Variants in GFRAL observed in about 807,000 individuals in gnomAD.
GFRAL encodes GDNF family receptor alpha-like.
GFRAL carries 36 observed loss-of-function variants against 45.4 expected under a neutral mutation model. The observed-to-expected ratio is 0.79, with a 90% CI of 0.61 to 1.05. GFRAL has a LOEUF of 1.05. Among genes scored for constraint, GFRAL ranks in the 50% least tolerant of loss-of-function variants. The pLI is 0.00. For missense variants in GFRAL, 507 were observed against 467.5 expected (o/e 1.08, Z -0.78); for synonymous variants, 166 against 154.1 (o/e 1.08, Z -0.57).
At position 55,359,164 on chromosome 6, in the gene GFRAL, G is replaced by GTCCATCTATCTATCTA. The variant is rs1554188846; in HGVS notation, c.952+28_952+29insCATCTATCTATCTATC. On this transcript the variant is annotated intron_variant, in intron 6 of 8. Coordinates refer to ENST00000340465, the MANE Select transcript of GFRAL (RefSeq NM_207410.2). ...GTAAGTTCCCCAAATAAAATTATCTGTCTATCTATCTATCTATCTATCATC... is the reference window on the plus strand; with the variant it reads ...GTAAGTTCCCCAAATAAAATTATCTGTCCATCTATCTATCTATCTATCTATCTATCTATCTATCATC... 14 of 1,370,176 alleles carry GTCCATCTATCTATCTA rather than the reference G, an allele frequency of 1.0e-5. No individual in the cohort carries two copies. In the African/African-American group the frequency reaches 2.0e-4, roughly 20 times the overall value. The allele number at this position is 1,370,176 out of a possible 1,614,324, so 84.9% of individuals were successfully genotyped here. A position where few individuals can be genotyped will look rare whatever the true frequency, so the allele number is the denominator to read the frequency against.
chr6:55,401,453 G>A (rs1184099392), intron 8 of GFRAL, among the ~76,000 whole-genome samples: 1 of 152,092 alleles, frequency 6.6e-6, no homozygotes, highest in East Asian at 1.9e-4. Flanking sequence ...GTGAATACCT[G>A]TCTTCTGTAA....
chr6:55,332,042 G>A (rs1195764677), intron 2 of GFRAL, among the ~76,000 whole-genome samples, 193 bp downstream of exon 2: 3 of 151,952 alleles, frequency 2.0e-5, no homozygotes, highest in African/African-American at 7.3e-5. Flanking sequence ...TTACTAAAGA[G>A]CTTTAATTAC....
intron 5 of GFRAL, among the ~76,000 whole-genome samples, chr6:55,352,741 A>G (rs1298301378): frequency 1.3e-5 from 2 of 152,046 alleles, no homozygotes; most frequent in East Asian, 3.9e-4. Flanking sequence ...GGACATCCCT[A>G]GCACACATGT....
chr6:55,333,973 A>C (rs772434762), intron 3 of GFRAL, 29 bp downstream of exon 3: 1 of 1,371,824 alleles, frequency 7.3e-7, no homozygotes, highest in South Asian at 1.5e-5. Context: ...AAATGTTTAT[A>C]GTCATGAAAA....
intron 5 of GFRAL, among the ~76,000 whole-genome samples, chr6:55,353,415 C>A (rs893407478): frequency 5.9e-5 from 9 of 152,020 alleles, no homozygotes; most frequent in Non-Finnish European, 1.3e-4. Flanking sequence ...CTATAGCACA[C>A]ATTCTATGAA....
At chr6:55,395,175 A>AAAAAAAAAATATATATATAT in intron 6 of GFRAL, among the ~76,000 whole-genome samples, 1 of 123,512 alleles carries the variant, frequency 8.1e-6, no homozygotes, top group Non-Finnish European at 1.6e-5. Flanking sequence ...AAAAAAAAAA[A>AAAAAAAAAATATATATATAT]ATATATATAT....
chr6:55,366,824 G>T (rs1413595822), intron 6 of GFRAL, among the ~76,000 whole-genome samples: 5 of 114,478 alleles, frequency 4.4e-5, no homozygotes, highest in Admixed American at 8.8e-5. Context: ...TATAATTTCT[G>T]TTCTTTTACA....
Position 55,338,581 on chromosome 6 carries a change from T to G in GFRAL, c.316+4637T>G, listed in dbSNP as rs113585104. ...TACACACATAATAAGGACACACACATACACACACAGACAAAGTACTAGAAG... is the reference window on the plus strand; with the variant it reads ...TACACACATAATAAGGACACACACAGACACACACAGACAAAGTACTAGAAG... On this transcript the variant is annotated intron_variant, in intron 3 of 8. Coordinates refer to ENST00000340465, the MANE Select transcript of GFRAL (RefSeq NM_207410.2). 6.7e-3 allele frequency among the ~76,000 whole-genome samples: 1,022 copies of G among 152,132 alleles called. 13 individuals are homozygous for G. The highest frequency in any genetic ancestry group is 0.023 in the African/African-American group (944 of 41,494).
At chr6:55,367,493 G>C (rs1768381046) in intron 6 of GFRAL, among the ~76,000 whole-genome samples, 1 of 146,550 alleles carries the variant, frequency 6.8e-6, no homozygotes, top group Non-Finnish European at 1.5e-5. Context: ...TATGATGTTA[G>C]CTGGTTATTT....
At chr6:55,382,134 A>G (rs1019617761) in intron 6 of GFRAL, among the ~76,000 whole-genome samples, 2 of 152,032 alleles carry the variant, frequency 1.3e-5, no homozygotes, top group Middle Eastern at 3.4e-3. Context: ...TTTATATCAT[A>G]GCCTCTAAAC....
At chr6:55,340,718 G>C (rs1000011174) in intron 3 of GFRAL, among the ~76,000 whole-genome samples, 8 of 152,134 alleles carry the variant, frequency 5.3e-5, no homozygotes, top group African/African-American at 1.9e-4. Context: ...GCTGAAGCAG[G>C]GTGAGGCATT....
At chr6:55,392,194 G>A (rs1436017223) in intron 6 of GFRAL, among the ~76,000 whole-genome samples, 1 of 152,050 alleles carries the variant, frequency 6.6e-6, no homozygotes, top group African/African-American at 2.4e-5. Context: ...AGTCCTCAAA[G>A]TGTACCATTT....
intron 4 of GFRAL, among the ~76,000 whole-genome samples, 174 bp from the exon 5 acceptor site, chr6:55,351,079 A>G (rs550765822): frequency 8.5e-5 from 13 of 152,230 alleles, no homozygotes; most frequent in African/African-American, 3.1e-4. Context: ...CAATAAGTCT[A>G]CGATTTAGGT....
intron 6 of GFRAL, among the ~76,000 whole-genome samples, chr6:55,368,191 T>A (rs1768392855): frequency 6.6e-6 from 1 of 152,014 alleles, no homozygotes; most frequent in Admixed American, 6.6e-5. Context: ...TTTCATTCAT[T>A]TCATCTTCCA....
intron 3 of GFRAL, among the ~76,000 whole-genome samples, chr6:55,347,510 T>C (rs1283182873): frequency 1.3e-5 from 2 of 152,030 alleles, no homozygotes; most frequent in African/African-American, 4.8e-5. Flanking sequence ...CGATGCTGAA[T>C]ATCAGGGCAA....
chr6:55,364,532 G>A (rs1236059496), intron 6 of GFRAL, among the ~76,000 whole-genome samples: 1 of 144,960 alleles, frequency 6.9e-6, no homozygotes, highest in Non-Finnish European at 1.5e-5. Flanking sequence ...GTCCTGAATG[G>A]TAATGCCTAG....
Position 55,358,984 on chromosome 6 carries a change from C to A in GFRAL, c.798C>A (p.Asp266Glu). The part of the protein sequence containing the change: ...ENCISTLSKQ[D>E]LTCSGSDDCK... Reference sequence around the variant, plus strand: ...GCATTAGCACCTTAAGCAAACAGGACCTCACTTGTTCAGGAAGTGATGACT... The same window carrying A: ...GCATTAGCACCTTAAGCAAACAGGAACTCACTTGTTCAGGAAGTGATGACT... Residue 266 changes from aspartate (D) to glutamate (E), a missense_variant, in exon 6 of 9, where the codon GAC becomes GAA. By Grantham distance (45) the Asp-to-Glu change is conservative (BLOSUM62 2). Coordinates refer to ENST00000340465, the MANE Select transcript of GFRAL (RefSeq NM_207410.2). The A allele has an allele frequency of 6.2e-7, 1 of 1,613,136 alleles. No individual in the cohort carries two copies. Among genetic ancestry groups the A allele is most frequent in the East Asian group, 2.2e-5 (1 of 44,834 alleles).
At chr6:55,371,454 C>T (rs770911773) in intron 6 of GFRAL, among the ~76,000 whole-genome samples, 1 of 151,896 alleles carries the variant, frequency 6.6e-6, no homozygotes, top group Non-Finnish European at 1.5e-5. Flanking sequence ...CCACCACTTC[C>T]TATAACATCT....
chr6:55,331,307 A>G (rs1356137490), intron 1 of GFRAL, among the ~76,000 whole-genome samples: 1 of 152,190 alleles, frequency 6.6e-6, no homozygotes, highest in East Asian at 1.9e-4. Flanking sequence ...AAATATCAAG[A>G]GAACAGAAGG....
Sources: allele counts gnomAD v4.1 joint callset (sites outside exome capture counted in the v4.1 genomes callset), GRCh38; gene constraint gnomAD v4.1.1; transcripts MANE v1.5; gene names NCBI Gene and HGNC (gene_info 2026-07-23, HGNC 2026-07-21).